Variants in USH2A observed in about 807,000 individuals in gnomAD.
USH2A encodes Usher syndrome 2A (autosomal recessive, mild).
Under a neutral mutation model 538.9 loss-of-function variants are expected in USH2A, and 443 were observed. The ratio of observed to expected loss-of-function variants is 0.82; its 90% CI spans 0.76 to 0.89. The LOEUF (loss-of-function observed/expected upper bound fraction) is 0.89, where lower values mean the gene tolerates loss of function less well. Ranked by LOEUF, USH2A falls within the 40% of genes least tolerant of loss-of-function variation. The probability of loss-of-function intolerance (pLI) is 0.00; values close to 1 mark genes in which losing one functional copy is unlikely to be tolerated. For synonymous variants in USH2A, 2,413 were observed against 2,273.5 expected, an observed-to-expected ratio of 1.06 and a Z score of -1.75; for missense variants, 6,633 against 6,324.8, an observed-to-expected ratio of 1.05 and a Z score of -1.65.
chr1:216,122,402 T>A (rs974188379), intron 21 of USH2A, among the ~76,000 whole-genome samples: 1 of 152,122 alleles, frequency 6.6e-6, no homozygotes, highest in African/African-American at 2.4e-5. Flanking sequence ...AGGTGAAACT[T>A]GGAAGGCCAG....
chr1:216,171,862 A>G (rs983494669), intron 21 of USH2A, among the ~76,000 whole-genome samples: 5 of 152,154 alleles, frequency 3.3e-5, no homozygotes, highest in Non-Finnish European at 7.4e-5. Flanking sequence ...CGAAGTCCTC[A>G]TAATAATATA....
chr1:216,174,723 A>C (rs2034341402), intron 21 of USH2A: 5 of 993,536 alleles, frequency 5.0e-6, no homozygotes, highest in African/African-American at 1.7e-5. Context: ...TTCATAGAAC[A>C]TGAGATATTA....
chr1:216,127,318 T>A (rs1268955469), intron 21 of USH2A, among the ~76,000 whole-genome samples: 1 of 152,210 alleles, frequency 6.6e-6, no homozygotes, highest in African/African-American at 2.4e-5. Flanking sequence ...GAATGGTGTT[T>A]CCTTTCATGG....
At position 216,292,207 on chromosome 1, in the gene USH2A, C is replaced by T. The variant is rs1427232199; in HGVS notation, c.1808G>A (p.Gly603Glu). The T allele has an allele frequency of 6.2e-7, 1 of 1,614,044 alleles. No homozygotes were observed. Among genetic ancestry groups the T allele is most frequent in the South Asian group, 1.1e-5 (1 of 91,074 alleles). The change falls in exon 10 of 72, where the codon GGA becomes GAA. Residue 603 changes from glycine to glutamate, a missense_variant. Coordinates refer to ENST00000307340, the MANE Select transcript of USH2A (RefSeq NM_206933.4). Reference sequence around the variant, plus strand: ...GTTATGCTCACAATCATCACAAACTCCTCCTCCCCCTCTGAAGTGCTCAAA... The same window carrying T: ...GTTATGCTCACAATCATCACAAACTTCTCCTCCCCCTCTGAAGTGCTCAAA... ...FPFEHFRGGG[G>E]VCDDCEHNTT...
intron 14 of USH2A, among the ~76,000 whole-genome samples, chr1:216,226,867 A>C (rs1163535244): frequency 6.6e-6 from 1 of 152,136 alleles, no homozygotes; most frequent in Non-Finnish European, 1.5e-5. Context: ...CTGGGAGTCT[A>C]AGATATGCAG....
At chr1:216,311,757 A>G (rs940201171) in intron 9 of USH2A, among the ~76,000 whole-genome samples, 2 of 152,234 alleles carry the variant, frequency 1.3e-5, no homozygotes, top group East Asian at 3.9e-4. Context: ...CGAGAGTTCC[A>G]AGTTGACTTT....
intron 47 of USH2A, among the ~76,000 whole-genome samples, chr1:215,830,542 A>G (rs1663282910): frequency 6.6e-6 from 1 of 152,204 alleles, no homozygotes. Flanking sequence ...CAAACATTTC[A>G]AAAGAAATCA....
At chr1:215,676,381 G>A (rs545579276) in intron 62 of USH2A, among the ~76,000 whole-genome samples, 3 of 152,212 alleles carry the variant, frequency 2.0e-5, no homozygotes, top group Admixed American at 1.3e-4. Context: ...TGGGAAGTAA[G>A]TTAATCTGAA....
chr1:215,967,995 C>T (rs1667397487), intron 36 of USH2A, among the ~76,000 whole-genome samples: 1 of 151,966 alleles, frequency 6.6e-6, no homozygotes, highest in South Asian at 2.1e-4. Flanking sequence ...GTAACATTGG[C>T]TAAGTGGGGA....
intron 19 of USH2A, 128 bp from the exon 20 acceptor site, chr1:216,190,495 AG>A (rs1440390816): frequency 9.0e-6 from 11 of 1,218,660 alleles, no homozygotes; most frequent in Non-Finnish European, 1.2e-5. Context: ...CATTAGGAAA[AG>A]GGTTTTTTTT....
chr1:215,630,472 ATGTGTGTGTG>A (rs200498400), intron 70 of USH2A, among the ~76,000 whole-genome samples: 13 of 64,068 alleles, frequency 2.0e-4, no homozygotes, highest in African/African-American at 6.9e-4. Context: ...ATGTATGTGT[ATGTGTGTGTG>A]TATATATATA....
intron 3 of USH2A, among the ~76,000 whole-genome samples, chr1:216,368,389 C>T (rs1181030319): frequency 2.0e-5 from 3 of 152,210 alleles, no homozygotes; most frequent in Non-Finnish European, 2.9e-5. Flanking sequence ...CACTGAAATG[C>T]CAGATCTTTG....
At chr1:215,815,167 T>C (rs1479899200) in intron 48 of USH2A, among the ~76,000 whole-genome samples, 1 of 152,082 alleles carries the variant, frequency 6.6e-6, no homozygotes, top group East Asian at 1.9e-4. Context: ...TTTACCGCAA[T>C]ACCTGTGTTG....
chr1:215,806,516 C>T (rs1662505306), intron 49 of USH2A, among the ~76,000 whole-genome samples: 1 of 152,110 alleles, frequency 6.6e-6, no homozygotes, highest in African/African-American at 2.4e-5. Flanking sequence ...ATACAGGATG[C>T]TAACCCCTTA....
intron 61 of USH2A, among the ~76,000 whole-genome samples, chr1:215,719,973 A>G (rs1027083966): frequency 6.6e-6 from 1 of 152,220 alleles, no homozygotes; most frequent in African/African-American, 2.4e-5. Context: ...TAGAAAGATG[A>G]TAGGGCCATT....
At chr1:216,029,046 T>C (rs2102508991) in intron 32 of USH2A, among the ~76,000 whole-genome samples, 2 of 152,256 alleles carry the variant, frequency 1.3e-5, no homozygotes, top group South Asian at 4.1e-4. Context: ...TTCTTTAACA[T>C]TTAAAATTTA....
At chr1:216,045,461 G>A (rs1350139547) in intron 32 of USH2A, among the ~76,000 whole-genome samples, 1 of 152,110 alleles carries the variant, frequency 6.6e-6, no homozygotes, top group Non-Finnish European at 1.5e-5. Flanking sequence ...ACCACACTGA[G>A]TCACACTTCT....
chr1:216,118,122 TC>T (rs2033051986), intron 21 of USH2A, among the ~76,000 whole-genome samples: 1 of 152,082 alleles, frequency 6.6e-6, no homozygotes, highest in Non-Finnish European at 1.5e-5. Context: ...AATATCCTCC[TC>T]TAGAAGTGGG....
At chr1:216,011,717 C>G (rs1419432612) in intron 32 of USH2A, among the ~76,000 whole-genome samples, 6 of 152,216 alleles carry the variant, frequency 3.9e-5, no homozygotes, top group Admixed American at 3.3e-4. Context: ...CTCTACATTT[C>G]TCATAATTTC....
Sources: gnomAD v4.1 joint callset for allele counts (sites outside exome capture counted in the v4.1 genomes callset) on GRCh38, gnomAD v4.1.1 for gene constraint, MANE v1.5 for transcripts, NCBI Gene and HGNC (gene_info 2026-07-23, HGNC 2026-07-21) for gene names.